The following SLCO1B3 variants were observed in gnomAD, a reference collection of about 807,000 sequenced individuals.
The protein encoded by SLCO1B3 is liver-specific organic anion transporter 2.
A neutral mutation model predicts 71.8 loss-of-function variants in SLCO1B3; 72 were observed. The observed-to-expected ratio is 1.00, with a 90% CI of 0.83 to 1.22. The LOEUF (loss-of-function observed/expected upper bound fraction) is 1.22. SLCO1B3 is among the 50% of genes most tolerant of loss of function. SLCO1B3 has a pLI of 0.00. For missense variants in SLCO1B3, 911 were observed against 819.7 expected, an observed-to-expected ratio of 1.11 and a Z score of -1.36; for synonymous variants, 298 against 278.4, an observed-to-expected ratio of 1.07 and a Z score of -0.70.
intron 1 of SLCO1B3, among the ~76,000 whole-genome samples, chr12:20,812,720 G>A (rs559036799): frequency 6.6e-6 from 1 of 152,238 alleles, no homozygotes; most frequent in South Asian, 2.1e-4. Flanking sequence ...AAAGCAAGCT[G>A]GAAGACAGGA....
chr12:20,908,689 T>G (rs1866305713), intron 15 of SLCO1B3, among the ~76,000 whole-genome samples: 1 of 152,332 alleles, frequency 6.6e-6, no homozygotes, highest in Non-Finnish European at 1.5e-5. Flanking sequence ...GCATTTAAGT[T>G]TCCTGTACTT....
At chr12:20,832,872 C>T (rs1864572837) in intron 3 of SLCO1B3, among the ~76,000 whole-genome samples, 1 of 152,204 alleles carries the variant, frequency 6.6e-6, no homozygotes, top group Non-Finnish European at 1.5e-5. Context: ...CACCAGCTGA[C>T]ACTAAGACCC....
intron 13 of SLCO1B3, among the ~76,000 whole-genome samples, chr12:20,889,672 T>C (rs1013149844): frequency 2.6e-5 from 4 of 151,776 alleles, no homozygotes; most frequent in African/African-American, 9.7e-5. Context: ...TCCTTTGTAA[T>C]TTTTTTGCCC....
intron 13 of SLCO1B3, among the ~76,000 whole-genome samples, chr12:20,888,303 A>C (rs1428717517): frequency 2.0e-5 from 3 of 151,946 alleles, no homozygotes; most frequent in Non-Finnish European, 4.4e-5. Context: ...GTCATTTTAC[A>C]CAATATTCAT....
chr12:20,811,714 T>A (rs1298669068), intron 1 of SLCO1B3, among the ~76,000 whole-genome samples: 1 of 152,188 alleles, frequency 6.6e-6, no homozygotes, highest in Non-Finnish European at 1.5e-5. Context: ...TGGCTCTGTC[T>A]ATAAACATAT....
chr12:20,840,390 ATTTTT>A (rs199898909), intron 3 of SLCO1B3, among the ~76,000 whole-genome samples: 26,803 of 140,964 alleles, frequency 0.19, 2,401 homozygotes, highest in Middle Eastern at 0.3. Flanking sequence ...ATGCTTCTCA[ATTTTT>A]TTTTTTTTTT....
At chr12:20,910,006 T>C (rs1866343119) in intron 15 of SLCO1B3, among the ~76,000 whole-genome samples, 1 of 152,202 alleles carries the variant, frequency 6.6e-6, no homozygotes, top group Non-Finnish European at 1.5e-5. Context: ...ATAAGTTCTT[T>C]CATGGATTGT....
At chr12:20,852,287 T>A (rs985386259) in intron 3 of SLCO1B3, among the ~76,000 whole-genome samples, 5 of 152,062 alleles carry the variant, frequency 3.3e-5, no homozygotes, top group African/African-American at 1.2e-4. Context: ...CTAGCTCTAG[T>A]CCAAGCAACA....
At chr12:20,827,167 A>G (rs1369620927) in intron 3 of SLCO1B3, among the ~76,000 whole-genome samples, 1 of 152,188 alleles carries the variant, frequency 6.6e-6, no homozygotes, top group African/African-American at 2.4e-5. Context: ...TATAAGCTTT[A>G]TAACCCTCAT....
rs1448248209 is a variant in SLCO1B3 at position 20,907,434 on chromosome 12, C to CT, written c.1865+5967_1865+5968insT. Among the ~76,000 whole-genome samples, 3 of 16,698 alleles carry CT rather than the reference C, an allele frequency of 1.8e-4. No homozygotes were observed. The Non-Finnish European group carries it at 3.0e-3, about 17-fold the overall frequency. 11.0% of individuals were successfully genotyped at this position (16,698 alleles called of 152,430 possible). On this transcript the variant is annotated intron_variant, in intron 15 of 15. Coordinates refer to ENST00000381545, the MANE Select transcript of SLCO1B3 (RefSeq NM_019844.4). ...TCCTTCCTTCCCTTCCTTTCTTCCTCCCCCTTCCCTTCCCCTTCCTTCCCC... is the reference window on the plus strand; with the variant it reads ...TCCTTCCTTCCCTTCCTTTCTTCCTCTCCCCTTCCCTTCCCCTTCCTTCCCC...
At chr12:20,871,268 C>G (rs963339657) in intron 8 of SLCO1B3, among the ~76,000 whole-genome samples, 5 of 152,124 alleles carry the variant, frequency 3.3e-5, no homozygotes, top group Non-Finnish European at 7.4e-5. Context: ...TTAATTATTT[C>G]AGTCTCTTTG....
At chr12:20,869,571 C>A (rs75422713) in intron 8 of SLCO1B3, among the ~76,000 whole-genome samples, 1 of 152,128 alleles carries the variant, frequency 6.6e-6, no homozygotes, top group Non-Finnish European at 1.5e-5. Context: ...GGTGGCTTGC[C>A]GCTCACACTC....
At chr12:20,817,042 C>T (rs1002554894) in intron 3 of SLCO1B3, among the ~76,000 whole-genome samples, 1 of 152,082 alleles carries the variant, frequency 6.6e-6, no homozygotes, top group Non-Finnish European at 1.5e-5. Context: ...ACCTTTTGAT[C>T]GGATTATTAG....
chr12:20,816,692 G>A (rs539571680), intron 3 of SLCO1B3, among the ~76,000 whole-genome samples: 7 of 152,226 alleles, frequency 4.6e-5, no homozygotes, highest in African/African-American at 1.4e-4. Context: ...ATACGAATTC[G>A]CTTTCTTTTG....
chr12:20,825,640 T>C (rs748820616), intron 3 of SLCO1B3, among the ~76,000 whole-genome samples: 2 of 151,464 alleles, frequency 1.3e-5, no homozygotes, highest in Non-Finnish European at 2.9e-5. Flanking sequence ...TATTAATAAA[T>C]ATACAAAAAT....
At chr12:20,881,106 C>G in intron 12 of SLCO1B3, 86 bp downstream of exon 12, 2 of 945,948 alleles carry the variant, frequency 2.1e-6, no homozygotes, top group Non-Finnish European at 3.1e-6. Context: ...CTTCCTATAA[C>G]TAAGGTCTCC....
In SLCO1B3 at chr12:20,891,342, T is replaced by A. The variant is rs908240603; in HGVS notation, c.1683-7094T>A. Among the ~76,000 whole-genome samples the A allele has an allele frequency of 3.3e-5, 5 of 152,074 alleles. 1 individual carries two copies. The South Asian group carries it at 1.0e-3, about 32-fold the overall frequency. On this transcript the variant is annotated intron_variant, in intron 13 of 15. Transcript: ENST00000381545. The stretch of plus-strand genomic sequence containing the variant: ...TTTTTTTTCTTTAAGAGACTGATAA[T>A]AAGACCCTAATTTCTTTTGGCTTGT...
At position 20,858,420 on chromosome 12, in the gene SLCO1B3, A is replaced by G. The variant is rs1407543127; in HGVS notation, c.227-19A>G. 1 of 1,531,450 alleles carries G rather than the reference A, an allele frequency of 6.5e-7. No homozygotes were observed. The allele number at this position is 1,531,450 out of a possible 1,614,324, so 94.9% of individuals were successfully genotyped here. ...AAATTACACTAAGTCATATCAACAT[A>G]ATTTTGTTTTTTTTCTAGGAAATTT... On this transcript the variant is annotated intron_variant, in intron 4 of 15. Coordinates refer to ENST00000381545, the MANE Select transcript of SLCO1B3 (RefSeq NM_019844.4).
intron 3 of SLCO1B3, chr12:20,845,390 G>A (rs1864896789): frequency 5.0e-6 from 1 of 198,270 alleles, no homozygotes; most frequent in Non-Finnish European, 1.0e-5. Context: ...TGGCTATATG[G>A]GACTCTCATC....
Sources: allele counts gnomAD v4.1 joint callset (sites outside exome capture counted in the v4.1 genomes callset), GRCh38; gene constraint gnomAD v4.1.1; transcripts MANE v1.5; gene names NCBI Gene and HGNC (gene_info 2026-07-23, HGNC 2026-07-21).